PPM1B: variants seen among roughly 807,000 people sequenced by gnomAD.
The protein encoded by PPM1B is protein phosphatase, Mg2+/Mn2+ dependent 1B, also known as protein phosphatase 1B.
A neutral mutation model predicts 43.0 loss-of-function variants in PPM1B; 22 were observed. The observed-to-expected ratio is 0.51, with a 90% CI of 0.37 to 0.73. The LOEUF (loss-of-function observed/expected upper bound fraction) is 0.73. PPM1B is among the 30% of genes least tolerant of loss of function. PPM1B has a pLI of 0.00. For synonymous variants in PPM1B, 217 were observed against 197.9 expected, an observed-to-expected ratio of 1.10 and a Z score of -0.81; for missense variants, 632 against 584.2, an observed-to-expected ratio of 1.08 and a Z score of -0.84.
rs529825338 is a variant in PPM1B, at chr2:44,187,991, C to T, written c.-14-13195C>T. 7.2e-5 allele frequency among the ~76,000 whole-genome samples: 11 copies of T among 152,314 alleles called. No homozygotes were observed. The East Asian group carries it at 1.7e-3, about 24-fold the overall frequency. On this transcript the variant is annotated intron_variant, in intron 1 of 5. Coordinates refer to ENST00000282412, the MANE Select transcript of PPM1B (RefSeq NM_002706.6). ...GGTCTCAATCTCCTGACCTCGCCAT[C>T]TGCCCACCTCGGCCTCCCAAGGTGC...
intron 5 of PPM1B, among the ~76,000 whole-genome samples, chr2:44,244,061 GTTA>G: frequency 6.6e-6 from 1 of 151,224 alleles, no homozygotes; most frequent in East Asian, 1.9e-4. Context: ...TTAATTCCTT[GTTA>G]TTTTATATTT....
chr2:44,219,023 C>T (rs2104225909), intron 5 of PPM1B: 1 of 343,198 alleles, frequency 2.9e-6, no homozygotes, highest in Non-Finnish European at 5.6e-6. Flanking sequence ...ATTATGGGTA[C>T]ATGAGTGTTG....
rs115207728 is a variant in PPM1B, at chr2:44,200,628, T to C, written c.-14-558T>C. 3.6e-3 allele frequency among the ~76,000 whole-genome samples: 552 copies of C among 152,298 alleles called. 2 individuals are homozygous for C. The highest frequency in any genetic ancestry group is 0.013 in the African/African-American group (531 of 41,572). ...TAGAATGGAGATTTTTATGTTTTAA[T>C]TGAATTTTGGGGTTGTCTTTAGGTT... On this transcript the variant is annotated intron_variant, in intron 1 of 5. Coordinates refer to ENST00000282412, the MANE Select transcript of PPM1B (RefSeq NM_002706.6).
In PPM1B at chr2:44,231,461, T is replaced by A; in HGVS notation, c.*743T>A. The A allele has an allele frequency of 1.0e-6, 1 of 972,770 alleles. No homozygotes were observed. The highest frequency in any genetic ancestry group is 1.2e-6 in the Non-Finnish European group (1 of 818,318). 60.3% of individuals were successfully genotyped at this position (972,770 alleles called of 1,614,324 possible). On this transcript the variant is annotated 3_prime_UTR_variant, in exon 6 of 6. Coordinates refer to ENST00000282412, the MANE Select transcript of PPM1B (RefSeq NM_002706.6). Reference sequence around the variant, plus strand: ...TTAAGTCCAAATAAAGCATGTGATGTGGAATAATCTATGCATGTTGTACTT... The same window carrying A: ...TTAAGTCCAAATAAAGCATGTGATGAGGAATAATCTATGCATGTTGTACTT...
At chr2:44,232,191 A>C, downstream of PPM1B, 3 of 1,394,468 alleles carry the variant, frequency 2.2e-6, no homozygotes, top group Non-Finnish European at 2.9e-6. Flanking sequence ...CTCTCTGTAA[A>C]AGTACCCTTT....
At chr2:44,210,873 C>T (rs1275868793) in intron 3 of PPM1B, among the ~76,000 whole-genome samples, 3 of 152,138 alleles carry the variant, frequency 2.0e-5, no homozygotes, top group Non-Finnish European at 1.5e-5. Context: ...CACGGTGGCT[C>T]ACACCTATAA....
At chr2:44,191,313 A>C (rs1668393606) in intron 1 of PPM1B, among the ~76,000 whole-genome samples, 1 of 152,102 alleles carries the variant, frequency 6.6e-6, no homozygotes, top group African/African-American at 2.4e-5. Flanking sequence ...TCCCAGGTTC[A>C]AGCTATTCTC....
Position 44,201,416 on chromosome 2 carries a change from A to T in PPM1B, c.217A>T (p.Thr73Ser). 2 of 1,614,200 alleles carry T rather than the reference A, an allele frequency of 1.2e-6. No individual in the cohort carries two copies. Among genetic ancestry groups the T allele is most frequent in the Non-Finnish European group, 1.7e-6 (2 of 1,180,028 alleles). ...AGSRVANYCS[T>S]HLLEHITTNE... is the part of the protein sequence containing the mutation. Reference sequence around the variant, plus strand: ...ATCCCGAGTGGCAAATTACTGCTCAACACATTTATTAGAACACATCACTAC... The same window carrying T: ...ATCCCGAGTGGCAAATTACTGCTCATCACATTTATTAGAACACATCACTAC... Residue 73 changes from threonine to serine, a missense_variant, in exon 2 of 6, where the codon ACA becomes TCA. Transcript: ENST00000282412. The surrounding 1 kb of genome is among the most constrained non-coding windows in gnomAD (Gnocchi z 5.4).
intron 1 of PPM1B, among the ~76,000 whole-genome samples, chr2:44,179,779 C>T (rs997189793): frequency 5.9e-5 from 9 of 152,002 alleles, no homozygotes; most frequent in Non-Finnish European, 2.9e-5. Flanking sequence ...GAGGCCGAGG[C>T]GGGTGGATCA....
At chr2:44,228,999 A>G (rs879853009) in intron 5 of PPM1B, among the ~76,000 whole-genome samples, 12 of 152,172 alleles carry the variant, frequency 7.9e-5, no homozygotes, top group East Asian at 5.8e-4. Context: ...CCTGACCAAC[A>G]TGGAGAAACC....
At chr2:44,243,857 T>G (rs1376309636) in intron 5 of PPM1B, among the ~76,000 whole-genome samples, 3 of 152,148 alleles carry the variant, frequency 2.0e-5, no homozygotes, top group African/African-American at 7.2e-5. Flanking sequence ...GGCCAAGATA[T>G]CCCTGCCAAA....
At chr2:44,216,667 C>T (rs904455276) in intron 3 of PPM1B, among the ~76,000 whole-genome samples, 2 of 152,104 alleles carry the variant, frequency 1.3e-5, no homozygotes, top group African/African-American at 4.8e-5. Context: ...GTGGCTCAGG[C>T]CTCTAATCCC....
chr2:44,240,841 T>G (rs577569872), intron 5 of PPM1B, among the ~76,000 whole-genome samples: 2 of 145,998 alleles, frequency 1.4e-5, no homozygotes, highest in African/African-American at 4.9e-5. Context: ...AGCCAGGTGC[T>G]GTTGGCTTCC....
downstream of PPM1B, chr2:44,244,487 A>G (rs1184528505): frequency 8.3e-6 from 7 of 846,784 alleles, no homozygotes; most frequent in Non-Finnish European, 1.1e-5. Flanking sequence ...TGTCCATGTG[A>G]TAAACACCTG....
rs576539756 is a variant in PPM1B at position 44,223,300 on chromosome 2, T to C, written c.1134+4763T>C. Among the ~76,000 whole-genome samples, 4 of 152,290 alleles carry C rather than the reference T, an allele frequency of 2.6e-5. No individual in the cohort carries two copies. The East Asian group carries it at 7.7e-4, about 29-fold the overall frequency. ...AGAAGGGAAGGAAAAACAGGATAGATTAGTCTCTTTTTGAGCCCAAAAGAA... is the reference window on the plus strand; with the variant it reads ...AGAAGGGAAGGAAAAACAGGATAGACTAGTCTCTTTTTGAGCCCAAAAGAA... On this transcript the variant is annotated intron_variant, in intron 5 of 5. Transcript: ENST00000282412.
chr2:44,202,544 G>A (rs1668989994), intron 2 of PPM1B, among the ~76,000 whole-genome samples: 1 of 152,130 alleles, frequency 6.6e-6, no homozygotes, highest in African/African-American at 2.4e-5. Context: ...ATTTCTCATT[G>A]TCTTCTAAAA....
At chr2:44,188,987 G>T (rs554803139) in intron 1 of PPM1B, among the ~76,000 whole-genome samples, 3 of 152,078 alleles carry the variant, frequency 2.0e-5, no homozygotes, top group South Asian at 4.1e-4. Context: ...TCCCACTTCA[G>T]TCTCCCGGGT....
chr2:44,177,913 TTC>T lies in PPM1B; in HGVS notation c.-15+8641_-15+8642del, dbSNP rs753116434. ...GTATTCCATTGTATGATTAGAACAGTTCTTTTTTTTTTTTTTTTTTTAATAAG... is the reference window on the plus strand; with the variant it reads ...GTATTCCATTGTATGATTAGAACAGTTTTTTTTTTTTTTTTTTTTAATAAG... On this transcript the variant is annotated intron_variant, in intron 1 of 5. Transcript: ENST00000282412. Among the ~76,000 whole-genome samples, 44 of 148,812 alleles carry T rather than the reference TTC, an allele frequency of 3.0e-4. No individual in the cohort carries two copies. In the East Asian group the frequency reaches 3.3e-3, roughly 11 times the overall value.
intron 5 of PPM1B, among the ~76,000 whole-genome samples, chr2:44,227,132 C>G (rs2104261807): frequency 6.6e-6 from 1 of 151,986 alleles, no homozygotes; most frequent in East Asian, 1.9e-4. Context: ...TGCTGCCACA[C>G]CTAATTTTTT....
Sources: gnomAD v4.1 joint callset for allele counts (sites outside exome capture counted in the v4.1 genomes callset) on GRCh38, gnomAD v4.1.1 for gene constraint, Gnocchi (gnomAD v3.1) non-coding constraint, MANE v1.5 for transcripts, NCBI Gene and HGNC (gene_info 2026-07-23, HGNC 2026-07-21) for gene names.